The following OR56A3 variants were observed in gnomAD, a reference collection of about 807,000 sequenced individuals.
OR56A3 encodes olfactory receptor family 56 subfamily A member 3.
A neutral mutation model predicts 17.5 loss-of-function variants in OR56A3; 23 were observed. That is an observed-to-expected ratio of 1.32 (90% CI 0.95 to 1.87). The LOEUF is 1.87. Among genes scored for constraint, OR56A3 ranks in the 40% most tolerant of loss-of-function variants. The pLI is 0.00. For synonymous variants in OR56A3, 175 were observed against 150.6 expected, an observed-to-expected ratio of 1.16 and a Z score of -1.19; for missense variants, 366 against 380.1, an observed-to-expected ratio of 0.96 and a Z score of 0.31.
the OR56A3 span, chr11:6,019,809 T>C: frequency 6.6e-6 from 1 of 152,242 alleles, no homozygotes; most frequent in East Asian, 1.9e-4. Context: ...CAGAAGGCTT[T>C]TTCTCAAAAG....
At chr11:5,946,718 C>A (rs1417296268) in intron 2 of OR56A3, among the ~76,000 whole-genome samples, 2 of 152,104 alleles carry the variant, frequency 1.3e-5, no homozygotes, top group African/African-American at 4.8e-5. Flanking sequence ...TTGGTGGAAC[C>A]TATGCCTACT....
At chr11:5,998,036 G>A in the OR56A3 span, among the ~76,000 whole-genome samples, 1 of 152,156 alleles carries the variant, frequency 6.6e-6, no homozygotes, top group Admixed American at 6.5e-5. Flanking sequence ...AGCAATAGGA[G>A]TGAGGAAACT....
At chr11:5,974,191 C>T in the OR56A3 span, among the ~76,000 whole-genome samples, 7 of 150,920 alleles carry the variant, frequency 4.6e-5, no homozygotes, top group Admixed American at 4.0e-4. Flanking sequence ...ATTACAACTT[C>T]CACCTCCTGG....
downstream of OR56A3, among the ~76,000 whole-genome samples, chr11:5,953,595 G>A (rs1847919084): frequency 6.6e-6 from 1 of 152,130 alleles, no homozygotes; most frequent in East Asian, 1.9e-4. Context: ...GCTGCATACT[G>A]TAGATCCTAG....
chr11:5,947,257 T>C, intron 2 of OR56A3, 54 bp from the exon 3 acceptor site: 1 of 1,195,170 alleles, frequency 8.4e-7, no homozygotes, highest in Non-Finnish European at 1.2e-6. Context: ...AAACAAATTG[T>C]GCTATCTTTG....
the OR56A3 span, among the ~76,000 whole-genome samples, chr11:6,010,436 T>G: frequency 2.0e-5 from 3 of 152,190 alleles, no homozygotes; most frequent in Non-Finnish European, 4.4e-5. Flanking sequence ...ATGAGAGATA[T>G]TCCCTCATTA....
At chr11:5,995,785 A>G in the OR56A3 span, among the ~76,000 whole-genome samples, 16 of 152,294 alleles carry the variant, frequency 1.1e-4, no homozygotes, top group South Asian at 3.3e-3. Flanking sequence ...AGAATACAAT[A>G]TGTCATCATT....
At chr11:5,961,199 G>A in the OR56A3 span, among the ~76,000 whole-genome samples, 48 of 151,446 alleles carry the variant, frequency 3.2e-4, no homozygotes, top group African/African-American at 8.7e-4. Context: ...CGGCCACCCC[G>A]TCTGGAAAGT....
the OR56A3 span, chr11:6,021,229 C>T: frequency 3.3e-5 from 5 of 151,928 alleles, no homozygotes; most frequent in African/African-American, 1.2e-4. Flanking sequence ...GCCAAAGAAA[C>T]ATGAACTTGA....
the OR56A3 span, among the ~76,000 whole-genome samples, chr11:5,983,570 C>T: frequency 2.0e-5 from 3 of 152,246 alleles, no homozygotes; most frequent in South Asian, 6.2e-4. Context: ...GATGAGAAGG[C>T]TCCCTCATAC....
the OR56A3 span, chr11:5,986,754 G>A: frequency 6.2e-7 from 1 of 1,613,956 alleles, no homozygotes; most frequent in Admixed American, 1.7e-5. Flanking sequence ...TGGTAACATT[G>A]CCCACTAAAG....
the OR56A3 span, among the ~76,000 whole-genome samples, chr11:5,957,485 G>A: frequency 2.0e-5 from 3 of 152,114 alleles, no homozygotes; most frequent in Admixed American, 6.5e-5. Flanking sequence ...CCTATTCCCC[G>A]GTGATGTGGT....
chr11:5,968,951 G>T, the OR56A3 span, among the ~76,000 whole-genome samples: 3 of 152,022 alleles, frequency 2.0e-5, no homozygotes, highest in African/African-American at 7.2e-5. Context: ...TGTTAGATGG[G>T]GGAAAATAAT....
the OR56A3 span, among the ~76,000 whole-genome samples, chr11:6,014,519 G>A: frequency 6.6e-5 from 10 of 152,152 alleles, no homozygotes; most frequent in Non-Finnish European, 1.2e-4. Context: ...AGCTCCCTGA[G>A]TCCTCACCAG....
the OR56A3 span, among the ~76,000 whole-genome samples, chr11:5,966,788 A>C: frequency 6.6e-6 from 1 of 152,082 alleles, no homozygotes; most frequent in South Asian, 2.1e-4. Flanking sequence ...AAAGAGTAGG[A>C]ATAAGATGGT....
the OR56A3 span, among the ~76,000 whole-genome samples, chr11:5,973,264 G>A: frequency 6.6e-6 from 1 of 152,076 alleles, no homozygotes; most frequent in Non-Finnish European, 1.5e-5. Flanking sequence ...TATGGCAATT[G>A]CATTACATTA....
At chr11:5,959,338 T>C in the OR56A3 span, among the ~76,000 whole-genome samples, 1 of 152,172 alleles carries the variant, frequency 6.6e-6, no homozygotes, top group Non-Finnish European at 1.5e-5. Flanking sequence ...TTTTTGTTTT[T>C]ATAATAGTCA....
the OR56A3 span, chr11:5,994,951 AC>A: frequency 1.4e-6 from 1 of 734,974 alleles, no homozygotes. Flanking sequence ...TTCCTGCCAG[AC>A]CCCCGGCCAT....
the OR56A3 span, chr11:6,003,023 G>A: frequency 6.2e-7 from 1 of 1,614,152 alleles, no homozygotes; most frequent in Admixed American, 1.7e-5. Flanking sequence ...TGGAGACCCA[G>A]TGTACCTTAA....
Sources: gnomAD v4.1 joint callset for allele counts (sites outside exome capture counted in the v4.1 genomes callset) on GRCh38, gnomAD v4.1.1 for gene constraint, MANE v1.5 for transcripts, NCBI Gene and HGNC (gene_info 2026-07-23, HGNC 2026-07-21) for gene names.